Variants in SNX24 observed in about 807,000 individuals in gnomAD.
The protein encoded by SNX24 is sorting nexin-24.
In SNX24, 22 loss-of-function variants were observed where a neutral mutation model predicts 28.7. The ratio of observed to expected loss-of-function variants is 0.77; its 90% CI spans 0.55 to 1.10. The LOEUF (loss-of-function observed/expected upper bound fraction) is 1.10. Among genes scored for constraint, SNX24 ranks in the 50% least tolerant of loss-of-function variants. The probability of loss-of-function intolerance (pLI) is 0.00; values close to 1 mark genes in which losing one functional copy is unlikely to be tolerated. For missense variants in SNX24, 221 were observed against 201.1 expected, an observed-to-expected ratio of 1.10 and a Z score of -0.60; for synonymous variants, 69 against 71.5, an observed-to-expected ratio of 0.96 and a Z score of 0.18.
At chr5:123,021,104 T>TCCCCCCCCC (rs11407427) in intron 5 of SNX24, among the ~76,000 whole-genome samples, 2 of 146,546 alleles carry the variant, frequency 1.4e-5, no homozygotes, top group African/African-American at 5.1e-5. Flanking sequence ...TCCACACAGT[T>TCCCCCCCCC]CCCCCCCCGT....
chr5:122,854,014 C>T (rs988227482), intron 1 of SNX24, among the ~76,000 whole-genome samples: 2 of 97,338 alleles, frequency 2.1e-5, no homozygotes, highest in Admixed American at 1.2e-4. Context: ...CACACTGCAT[C>T]GAGTTTATCT....
intron 1 of SNX24, among the ~76,000 whole-genome samples, chr5:122,911,831 C>A (rs1304189605): frequency 2.4e-5 from 3 of 123,966 alleles, no homozygotes; most frequent in African/African-American, 6.4e-5. Context: ...TGATCTATAT[C>A]TCTGTTTTGG....
intron 2 of SNX24, among the ~76,000 whole-genome samples, chr5:122,942,358 C>G (rs1759492284): frequency 6.6e-6 from 1 of 152,178 alleles, no homozygotes; most frequent in African/African-American, 2.4e-5. Flanking sequence ...GGGGTCAAAC[C>G]AGTAGCACAG....
At chr5:122,890,958 G>A in intron 1 of SNX24, 2 of 1,262,048 alleles carry the variant, frequency 1.6e-6, no homozygotes, top group Non-Finnish European at 1.0e-6. Context: ...GGATTTTAAA[G>A]TAAAATTTAA....
chr5:122,873,938 T>C (rs951593299), intron 1 of SNX24, among the ~76,000 whole-genome samples: 4 of 151,992 alleles, frequency 2.6e-5, no homozygotes, highest in African/African-American at 9.7e-5. Context: ...GCTAATTTTT[T>C]TGTGTATTTT....
At chr5:122,894,562 G>A (rs1254413192) in intron 1 of SNX24, among the ~76,000 whole-genome samples, 1 of 152,028 alleles carries the variant, frequency 6.6e-6, no homozygotes, top group Non-Finnish European at 1.5e-5. Flanking sequence ...ATAGGCATTG[G>A]GGTTGTTTTT....
At chr5:122,942,389 A>C (rs542541899) in intron 2 of SNX24, among the ~76,000 whole-genome samples, 1 of 152,326 alleles carries the variant, frequency 6.6e-6, no homozygotes, top group East Asian at 1.9e-4. Flanking sequence ...ATTCTCTTCA[A>C]AGGGAACCCT....
rs1392065580 is a variant in SNX24, at chr5:123,001,414, T to C, written c.354T>C (p.Asp118=). 1 of 1,605,048 alleles carries C rather than the reference T, an allele frequency of 6.2e-7. No homozygotes were observed. ...LPKAESCGSF[D]ETESEESSKL... is the part of the protein sequence containing the mutation. ...TTTTCAAAACTTTTAGATCTTTTGA[T>C]GAAACAGAGTCTGAAGAGTCAAGGT... The change falls in exon 5 of 7, where the codon GAT becomes GAC. Residue 118 remains aspartate (D), a synonymous_variant. Coordinates refer to ENST00000261369, the MANE Select transcript of SNX24 (RefSeq NM_014035.4).
At chr5:123,018,874 A>G (rs1379269287) in intron 5 of SNX24, among the ~76,000 whole-genome samples, 1 of 152,046 alleles carries the variant, frequency 6.6e-6, no homozygotes, top group African/African-American at 2.4e-5. Flanking sequence ...TTTAGTAGCA[A>G]TGGGGTTTCA....
intron 3 of SNX24, among the ~76,000 whole-genome samples, chr5:122,978,779 A>G (rs1581825292): frequency 6.6e-6 from 1 of 152,198 alleles, no homozygotes; most frequent in African/African-American, 2.4e-5. Flanking sequence ...TTCACCTGAA[A>G]CATGAATACA....
At chr5:122,868,058 C>G (rs1462325419) in intron 1 of SNX24, among the ~76,000 whole-genome samples, 2 of 152,236 alleles carry the variant, frequency 1.3e-5, no homozygotes, top group African/African-American at 2.4e-5. Flanking sequence ...CAGCTGTGCA[C>G]TTCCAGTTAA....
downstream of SNX24, among the ~76,000 whole-genome samples, chr5:123,012,217 G>A (rs563746312): frequency 2.6e-5 from 4 of 152,188 alleles, no homozygotes; most frequent in African/African-American, 9.6e-5. Flanking sequence ...ACCCACTCTC[G>A]GGCAGTCCTT....
At chr5:122,866,165 G>C (rs1294778387) in intron 1 of SNX24, among the ~76,000 whole-genome samples, 2 of 152,134 alleles carry the variant, frequency 1.3e-5, no homozygotes, top group Non-Finnish European at 2.9e-5. Context: ...ATGAATGAAT[G>C]AATAACAAGA....
intron 1 of SNX24, among the ~76,000 whole-genome samples, chr5:122,907,487 A>G (rs1211059848): frequency 1.3e-5 from 2 of 152,162 alleles, no homozygotes; most frequent in Non-Finnish European, 2.9e-5. Context: ...CGGGGCTGGT[A>G]ATTCTGTCCC....
chr5:122,864,246 A>G lies in SNX24; in HGVS notation c.60+18553A>G, dbSNP rs563936827. Among the ~76,000 whole-genome samples, 396 of 152,292 alleles carry G rather than the reference A, an allele frequency of 2.6e-3. 7 individuals are homozygous for G. Among genetic ancestry groups the G allele is most frequent in the Non-Finnish European group, 5.0e-4 (34 of 68,026 alleles). On this transcript the variant is annotated intron_variant, in intron 1 of 6. Coordinates refer to ENST00000261369, the MANE Select transcript of SNX24 (RefSeq NM_014035.4). Reference sequence around the variant, plus strand: ...TTAGTTCTGTAGAAGGAAGTGTTGGAAGATGGTTGGATTCCTGATAGCTCT... The same window carrying G: ...TTAGTTCTGTAGAAGGAAGTGTTGGGAGATGGTTGGATTCCTGATAGCTCT...
intron 3 of SNX24, among the ~76,000 whole-genome samples, chr5:122,962,536 G>T (rs1388217172): frequency 6.6e-6 from 1 of 152,170 alleles, no homozygotes; most frequent in Non-Finnish European, 1.5e-5. Flanking sequence ...AAATAAACCA[G>T]TATTTTAAAA....
chr5:122,853,641 A>G (rs761247427), intron 1 of SNX24: 1 of 366,526 alleles, frequency 2.7e-6, no homozygotes, highest in South Asian at 2.1e-5. Context: ...TTATTTTCAA[A>G]TTTATGTATT....
At chr5:122,937,713 C>A (rs148532919) in intron 2 of SNX24, among the ~76,000 whole-genome samples, 1 of 152,232 alleles carries the variant, frequency 6.6e-6, no homozygotes, top group East Asian at 1.9e-4. Flanking sequence ...AAGGGATAAT[C>A]CACATCTAGT....
At chr5:122,910,496 T>A (rs1417628787) in intron 1 of SNX24, among the ~76,000 whole-genome samples, 1 of 152,000 alleles carries the variant, frequency 6.6e-6, no homozygotes, top group African/African-American at 2.4e-5. Context: ...ACTTTAAGTT[T>A]TAGGGTACAT....
Sources: gnomAD v4.1 joint callset for allele counts (sites outside exome capture counted in the v4.1 genomes callset) on GRCh38, gnomAD v4.1.1 for gene constraint, MANE v1.5 for transcripts, NCBI Gene and HGNC (gene_info 2026-07-23, HGNC 2026-07-21) for gene names.